The following STPG2 variants were observed in gnomAD, a reference collection of about 807,000 sequenced individuals.
STPG2 encodes the protein sperm-tail PG-rich repeat-containing protein 2.
Under a neutral mutation model 54.2 loss-of-function variants are expected in STPG2, and 56 were observed. The ratio of observed to expected loss-of-function variants is 1.03; its 90% CI spans 0.83 to 1.29. The LOEUF is 1.29. Ranked by LOEUF, STPG2 falls within the 50% of genes most tolerant of loss-of-function variation. The pLI, the probability that STPG2 is intolerant of heterozygous loss-of-function variation, is 0.00. For synonymous variants in STPG2, 200 were observed against 181.8 expected (o/e 1.10, Z -0.81); for missense variants, 596 against 544.9 (o/e 1.09, Z -0.93).
At chr4:98,070,070 G>A (rs1179111844) in intron 5 of STPG2, among the ~76,000 whole-genome samples, 2 of 151,880 alleles carry the variant, frequency 1.3e-5, no homozygotes, top group Non-Finnish European at 2.9e-5. Flanking sequence ...AAACCTGGCA[G>A]AGATGTAACA....
chr4:97,699,622 C>T (rs952137582), intron 10 of STPG2, among the ~76,000 whole-genome samples: 2 of 152,320 alleles, frequency 1.3e-5, no homozygotes, highest in African/African-American at 2.4e-5. Flanking sequence ...CAAAGTTCTG[C>T]CCACTGAGGA....
intron 10 of STPG2, among the ~76,000 whole-genome samples, chr4:97,712,469 C>T (rs1403807976): frequency 1.3e-5 from 2 of 152,000 alleles, no homozygotes; most frequent in African/African-American, 4.8e-5. Flanking sequence ...TATATGAATA[C>T]TGCAAAGCAT....
chr4:98,057,774 TA>T (rs1357082370), intron 5 of STPG2, among the ~76,000 whole-genome samples: 1 of 151,744 alleles, frequency 6.6e-6, no homozygotes, highest in East Asian at 1.9e-4. Context: ...AAGGTGGAAA[TA>T]AAAGAAAGAA....
At chr4:98,047,442 G>A (rs549180439) in intron 5 of STPG2, among the ~76,000 whole-genome samples, 115 of 152,248 alleles carry the variant, frequency 7.6e-4, no homozygotes, top group African/African-American at 2.7e-3. Flanking sequence ...AAATTGTGCA[G>A]GCAAATCCCT....
intron 10 of STPG2, among the ~76,000 whole-genome samples, chr4:97,641,423 C>A (rs1369214618): frequency 1.4e-5 from 2 of 142,446 alleles, no homozygotes; most frequent in African/African-American, 6.1e-5. Context: ...CTTATGTATA[C>A]TCATGCATAT....
At position 97,560,124 on chromosome 4, in the gene STPG2, A is replaced by G. The variant is rs187108777; in HGVS notation, c.1321-1007T>C. 7.9e-4 allele frequency among the ~76,000 whole-genome samples: 120 copies of G among 152,270 alleles called. 1 individual carries two copies. Among genetic ancestry groups the G allele is most frequent in the African/African-American group, 2.8e-3 (115 of 41,580 alleles). On this transcript the variant is annotated intron_variant, in intron 10 of 10. Coordinates refer to ENST00000295268, the MANE Select transcript of STPG2 (RefSeq NM_174952.3). The stretch of plus-strand genomic sequence containing the variant: ...CATGATGACCCTTAGGATAATTTTT[A>G]TTCCAAAGCAGTGTAGTACAGTGGA...
At position 97,590,853 on chromosome 4, in the gene STPG2, T is replaced by G. The variant is rs72890812; in HGVS notation, c.1321-31736A>C. Among the ~76,000 whole-genome samples the G allele has an allele frequency of 3.0e-3, 452 of 152,200 alleles. 2 individuals carry two copies. The highest frequency in any genetic ancestry group is 0.011 in the African/African-American group (437 of 41,546). On this transcript the variant is annotated intron_variant, in intron 10 of 10. Transcript: ENST00000295268. ...ACATGATGCAGTTTTATTCTCAGAT[T>G]TTGCATAAAGAGGGGATGGAAATGT...
intron 10 of STPG2, among the ~76,000 whole-genome samples, chr4:97,613,355 C>T (rs1039420438): frequency 1.3e-5 from 2 of 151,934 alleles, no homozygotes; most frequent in African/African-American, 4.8e-5. Flanking sequence ...TATAATTAAA[C>T]TGGGGTTATG....
At chr4:97,883,817 G>C (rs140787945) in intron 8 of STPG2, among the ~76,000 whole-genome samples, 295 of 152,304 alleles carry the variant, frequency 1.9e-3, no homozygotes, top group African/African-American at 7.0e-3. Context: ...GAGAGAGAAA[G>C]AAGGCTTCTC....
intron 4 of STPG2, among the ~76,000 whole-genome samples, chr4:98,106,349 TAA>T (rs1209003009): frequency 6.6e-6 from 1 of 151,814 alleles, no homozygotes; most frequent in Non-Finnish European, 1.5e-5. Flanking sequence ...AAGCTAACCC[TAA>T]AAAAAAGTTT....
chr4:97,570,461 T>A lies in STPG2; in HGVS notation c.1321-11344A>T, dbSNP rs189954319. The stretch of plus-strand genomic sequence containing the variant: ...AAGACACAGGAAATCTCCTTGCCCG[T>A]CCTCAATTTGCCTAAAAGCAGGCCA... On this transcript the variant is annotated intron_variant, in intron 10 of 10. Coordinates refer to ENST00000295268, the MANE Select transcript of STPG2 (RefSeq NM_174952.3). 2.0e-3 allele frequency among the ~76,000 whole-genome samples: 311 copies of A among 152,100 alleles called. 3 individuals are homozygous for A. The highest frequency in any genetic ancestry group is 4.1e-3 in the South Asian group (20 of 4,824).
chr4:97,744,818 A>T (rs1052130453), intron 9 of STPG2, among the ~76,000 whole-genome samples: 1 of 151,446 alleles, frequency 6.6e-6, no homozygotes, highest in Non-Finnish European at 1.5e-5. Flanking sequence ...GTTGGCCACA[A>T]GTAACGGAAA....
At chr4:97,759,796 A>G (rs13148080) in intron 9 of STPG2, among the ~76,000 whole-genome samples, 36,423 of 152,066 alleles carry the variant, frequency 0.24, 5,108 homozygotes, top group Middle Eastern at 0.35. Context: ...TCCTTTTTCT[A>G]CCTATAATAA....
intron 3 of STPG2, among the ~76,000 whole-genome samples, chr4:98,121,623 C>A (rs1739681671): frequency 6.6e-6 from 1 of 151,984 alleles, no homozygotes; most frequent in Non-Finnish European, 1.5e-5. Flanking sequence ...TAGCTGTATT[C>A]CTAGGTATTT....
chr4:97,615,709 T>C (rs72890849), intron 10 of STPG2, among the ~76,000 whole-genome samples: 1 of 151,822 alleles, frequency 6.6e-6, no homozygotes, highest in Non-Finnish European at 1.5e-5. Flanking sequence ...GAATGGTTCA[T>C]GAATTTCATT....
At chr4:97,534,323 C>T (rs377282149) in intron 4 of STPG2, among the ~76,000 whole-genome samples, 6 of 152,006 alleles carry the variant, frequency 3.9e-5, no homozygotes, top group Non-Finnish European at 7.4e-5. Flanking sequence ...CCATTATATG[C>T]GGTTTTTCAA....
chr4:98,059,397 C>T (rs1737575509), intron 5 of STPG2, among the ~76,000 whole-genome samples: 1 of 151,724 alleles, frequency 6.6e-6, no homozygotes, highest in South Asian at 2.1e-4. Flanking sequence ...AGCTCCAAAA[C>T]TGAATCAGTA....
chr4:97,709,235 G>T (rs977653105), intron 10 of STPG2, among the ~76,000 whole-genome samples: 2 of 151,308 alleles, frequency 1.3e-5, no homozygotes, highest in African/African-American at 4.8e-5. Context: ...AAATACAGTT[G>T]ACTTTAACAA....
At chr4:97,861,227 G>C (rs1465856232) in intron 8 of STPG2, among the ~76,000 whole-genome samples, 3 of 151,974 alleles carry the variant, frequency 2.0e-5, no homozygotes, top group Non-Finnish European at 4.4e-5. Context: ...ATGACAAATA[G>C]ACATATGAAA....
Sources: gnomAD v4.1 joint callset for allele counts (sites outside exome capture counted in the v4.1 genomes callset) on GRCh38, gnomAD v4.1.1 for gene constraint, MANE v1.5 for transcripts, NCBI Gene and HGNC (gene_info 2026-07-23, HGNC 2026-07-21) for gene names.